The following USP50 variants were observed in gnomAD, a reference collection of about 807,000 sequenced individuals.
USP50 encodes ubiquitin specific peptidase 50.
In USP50, 37 loss-of-function variants were observed where a neutral mutation model predicts 39.2. The observed-to-expected ratio is 0.94, with a 90% CI of 0.73 to 1.24. The LOEUF is 1.24. Ranked by LOEUF, USP50 falls within the 50% of genes most tolerant of loss-of-function variation. The pLI is 0.00. For missense variants in USP50, 374 were observed against 398.2 expected (o/e 0.94, Z 0.52); for synonymous variants, 139 against 144.5 (o/e 0.96, Z 0.27).
At chr15:50,538,252 G>A (rs1031119912) in intron 5 of USP50, among the ~76,000 whole-genome samples, 1 of 130,210 alleles carries the variant, frequency 7.7e-6, no homozygotes, top group Non-Finnish European at 1.5e-5. Context: ...ACTCCAGCCT[G>A]GCAACAGAGT....
downstream of USP50, chr15:50,496,875 A>G (rs77228912): frequency 4.3e-6 from 2 of 464,358 alleles, no homozygotes; most frequent in Non-Finnish European, 7.3e-6. Context: ...TCCTGTCACA[A>G]CACACTGTAG....
chr15:50,539,424 A>T (rs1174735089), intron 4 of USP50, among the ~76,000 whole-genome samples: 5 of 127,546 alleles, frequency 3.9e-5, no homozygotes, highest in African/African-American at 1.2e-4. Flanking sequence ...TGATTTTGCA[A>T]TTTTTTTTTT....
chr15:50,525,445 G>A (rs12913959), intron 6 of USP50, among the ~76,000 whole-genome samples: 28,102 of 150,424 alleles, frequency 0.19, 2,893 homozygotes, highest in Admixed American at 0.29. Context: ...ATGTTAGCTT[G>A]ATTTAATCAT....
chr15:50,499,225 A>G (rs1228970338), downstream of USP50: 2 of 748,180 alleles, frequency 2.7e-6, no homozygotes, highest in Non-Finnish European at 4.0e-6. Flanking sequence ...TACTAGCACT[A>G]TATAATTCCG....
intron 6 of USP50, among the ~76,000 whole-genome samples, chr15:50,526,695 T>C (rs151175847): frequency 6.6e-6 from 1 of 152,288 alleles, no homozygotes; most frequent in East Asian, 1.9e-4. Flanking sequence ...GGGCTCAATA[T>C]AGACATGTTT....
chr15:50,498,258 T>G (rs2141331346), downstream of USP50: 1 of 182,908 alleles, frequency 5.5e-6, no homozygotes, highest in Non-Finnish European at 1.1e-5. Flanking sequence ...GCAGCTGTCA[T>G]TCTTTCTTTT....
chr15:50,521,128 A>G (rs557771060), intron 6 of USP50, among the ~76,000 whole-genome samples: 11 of 151,824 alleles, frequency 7.2e-5, no homozygotes, highest in Admixed American at 1.3e-4. Flanking sequence ...TGCAACCTCC[A>G]CCTCCCTGGT....
At chr15:50,513,884 G>C (rs2052772035) in intron 6 of USP50, 1 of 152,116 alleles carries the variant, frequency 6.6e-6, no homozygotes, top group South Asian at 2.1e-4. Flanking sequence ...CCAGACATAT[G>C]CGTATTTCTG....
intron 5 of USP50, among the ~76,000 whole-genome samples, chr15:50,530,355 G>A (rs183355960): frequency 2.0e-4 from 30 of 152,140 alleles, no homozygotes; most frequent in Non-Finnish European, 4.4e-5. Flanking sequence ...GGCTGAGGCG[G>A]GTGGATCACT....
At position 50,538,803 on chromosome 15, in the gene USP50, C is replaced by A. The variant is rs770384237; in HGVS notation, c.709G>T (p.Glu237Ter). The A allele has an allele frequency of 6.2e-7, 1 of 1,613,648 alleles. No individual in the cohort carries two copies. Among genetic ancestry groups the A allele is most frequent in the Admixed American group, 1.7e-5 (1 of 59,966 alleles). Reference sequence around the variant, plus strand: ...GTTTCACAAAAGGAGCAGTGAATTTCGTTGTTCCAGGTCAGTGCGTCTTGT... The same window carrying A: ...GTTTCACAAAAGGAGCAGTGAATTTAGTTGTTCCAGGTCAGTGCGTCTTGT... ...FQQDALTWNN[E>*]IHCSFCETKQ... The change falls in exon 5 of 7, where the codon GAA (glutamate) becomes TAA (stop). Residue 237 changes from glutamate (E) to a stop codon, truncating the protein, a stop_gained. Coordinates refer to ENST00000532404, the MANE Select transcript of USP50 (RefSeq NM_203494.5). LOFTEE classifies it high-confidence loss of function.
chr15:50,495,765 A>G, downstream of USP50: 3 of 1,099,824 alleles, frequency 2.7e-6, no homozygotes, highest in Non-Finnish European at 3.9e-6. Flanking sequence ...AAATCTGGCA[A>G]GTGTTTGTAT....
intron 6 of USP50, among the ~76,000 whole-genome samples, chr15:50,522,178 C>T (rs953157963): frequency 6.6e-6 from 1 of 152,006 alleles, no homozygotes; most frequent in Non-Finnish European, 1.5e-5. Context: ...GTAATCCCAA[C>T]AGTCTGGGAG....
chr15:50,536,531 C>T (rs964329371), intron 5 of USP50, among the ~76,000 whole-genome samples: 2 of 152,066 alleles, frequency 1.3e-5, no homozygotes, highest in African/African-American at 4.8e-5. Flanking sequence ...ATCCCAGCTA[C>T]TCAGGAGGCT....
intron 6 of USP50, among the ~76,000 whole-genome samples, chr15:50,517,144 C>T (rs1479458902): frequency 1.3e-5 from 2 of 152,184 alleles, no homozygotes; most frequent in African/African-American, 4.8e-5. Flanking sequence ...TCTCCAGGAT[C>T]ATATGTTAGA....
chr15:50,542,606 A>G (rs1208447226), intron 3 of USP50, among the ~76,000 whole-genome samples: 1 of 149,172 alleles, frequency 6.7e-6, no homozygotes, highest in African/African-American at 2.5e-5. Context: ...CTTGTGCCTC[A>G]GCCACCCGAG....
At chr15:50,539,391 G>GTT (rs55858194) in intron 4 of USP50, among the ~76,000 whole-genome samples, 3,124 of 136,098 alleles carry the variant, frequency 0.023, 115 homozygotes, top group African/African-American at 0.079. Flanking sequence ...TAACTTTTCT[G>GTT]TTTTTTTTTT....
chr15:50,495,652 C>G (rs1212453235), downstream of USP50, among the ~76,000 whole-genome samples: 1 of 152,090 alleles, frequency 6.6e-6, no homozygotes, highest in African/African-American at 2.4e-5. Context: ...AGTCACATTC[C>G]TTCAATAAAG....
downstream of USP50, chr15:50,498,878 T>C: frequency 9.6e-6 from 15 of 1,567,884 alleles, no homozygotes; most frequent in Non-Finnish European, 1.3e-5. Context: ...TGAATTGATT[T>C]TTTTTTCTAT....
At chr15:50,534,081 A>T (rs1193452825) in intron 5 of USP50, among the ~76,000 whole-genome samples, 1 of 152,204 alleles carries the variant, frequency 6.6e-6, no homozygotes, top group Non-Finnish European at 1.5e-5. Flanking sequence ...CATAAAAAGC[A>T]CTGAAGAAGG....
Sources: allele counts gnomAD v4.1 joint callset (sites outside exome capture counted in the v4.1 genomes callset), GRCh38; gene constraint gnomAD v4.1.1; transcripts MANE v1.5; gene names NCBI Gene and HGNC (gene_info 2026-07-23, HGNC 2026-07-21).